The following GPC5 variants were observed in gnomAD, a reference collection of about 807,000 sequenced individuals.
The protein encoded by GPC5 is glypican-5.
A neutral mutation model predicts 53.9 loss-of-function variants in GPC5; 47 were observed. The observed-to-expected ratio is 0.87, with a 90% CI of 0.69 to 1.11. The LOEUF (loss-of-function observed/expected upper bound fraction) is 1.11. Ranked by LOEUF, GPC5 falls within the 50% of genes most tolerant of loss-of-function variation. The pLI is 0.00. For missense variants in GPC5, 748 were observed against 713.1 expected (o/e 1.05, Z -0.56); for synonymous variants, 286 against 263.3 (o/e 1.09, Z -0.84).
At chr13:91,476,506 A>T (rs1366530229) in intron 2 of GPC5, among the ~76,000 whole-genome samples, 1 of 152,234 alleles carries the variant, frequency 6.6e-6, no homozygotes, top group Non-Finnish European at 1.5e-5. Flanking sequence ...TATATTTTGT[A>T]TATATTTTGT....
chr13:91,944,872 T>C (rs1175603971), intron 6 of GPC5, among the ~76,000 whole-genome samples: 1 of 152,214 alleles, frequency 6.6e-6, no homozygotes, highest in East Asian at 1.9e-4. Context: ...CTTTCTCTTC[T>C]TTCTCAATAT....
At chr13:91,423,834 T>C (rs368939847) in intron 1 of GPC5, among the ~76,000 whole-genome samples, 25 of 152,348 alleles carry the variant, frequency 1.6e-4, no homozygotes, top group Non-Finnish European at 3.4e-4. Context: ...GTGCTCACAT[T>C]GTAGCCCACA....
intron 7 of GPC5, among the ~76,000 whole-genome samples, chr13:92,425,862 CA>C (rs1225083162): frequency 6.6e-6 from 1 of 152,014 alleles, no homozygotes; most frequent in African/African-American, 2.4e-5. Context: ...TTGTTTTACT[CA>C]AACACTAGCA....
At chr13:92,548,013 GTA>G in intron 7 of GPC5, among the ~76,000 whole-genome samples, 2 of 96,618 alleles carry the variant, frequency 2.1e-5, no homozygotes, top group African/African-American at 3.4e-5. Context: ...TTTTTTTTTT[GTA>G]TTTTTAGTAG....
At chr13:91,936,329 A>T (rs1486915784) in intron 6 of GPC5, among the ~76,000 whole-genome samples, 1 of 152,010 alleles carries the variant, frequency 6.6e-6, no homozygotes, top group Non-Finnish European at 1.5e-5. Flanking sequence ...GGAATGGGTA[A>T]GCTGAATCAC....
At chr13:92,415,429 A>G (rs562775785) in intron 7 of GPC5, among the ~76,000 whole-genome samples, 35 of 151,866 alleles carry the variant, frequency 2.3e-4, no homozygotes, top group South Asian at 1.0e-3. Flanking sequence ...TTGCTTGTAT[A>G]TAGTCCAAAA....
At chr13:91,638,325 C>T (rs1434282878) in intron 2 of GPC5, among the ~76,000 whole-genome samples, 1 of 151,882 alleles carries the variant, frequency 6.6e-6, no homozygotes, top group Non-Finnish European at 1.5e-5. Context: ...ATGCCTTTTA[C>T]TACTTTTCTT....
At chr13:91,569,261 G>A (rs1344089457) in intron 2 of GPC5, among the ~76,000 whole-genome samples, 1 of 152,034 alleles carries the variant, frequency 6.6e-6, no homozygotes, top group African/African-American at 2.4e-5. Flanking sequence ...ATGATATTGG[G>A]CCACCTATCT....
intron 7 of GPC5, among the ~76,000 whole-genome samples, chr13:92,215,396 ATAAT>A (rs1276351958): frequency 6.6e-6 from 1 of 152,228 alleles, no homozygotes; most frequent in African/African-American, 2.4e-5. Flanking sequence ...ATTCAATGGA[ATAAT>A]TAAAGCAATT....
At chr13:91,886,962 C>T (rs2039330045) in intron 5 of GPC5, among the ~76,000 whole-genome samples, 1 of 152,172 alleles carries the variant, frequency 6.6e-6, no homozygotes, top group African/African-American at 2.4e-5. Flanking sequence ...TGGCCCTCTT[C>T]TCACAGCTTC....
chr13:92,141,607 T>A lies in GPC5; in HGVS notation c.1402-3223T>A, dbSNP rs1397058372. ...GAGGGTTAGAGAGTGTATTCATGTA[T>A]TCATTTTCTCTTCCTGCATAGCAAA... On this transcript the variant is annotated intron_variant, in intron 6 of 7. Transcript: ENST00000377067. 2.0e-5 allele frequency among the ~76,000 whole-genome samples: 3 copies of A among 152,264 alleles called. No individual in the cohort carries two copies. In the East Asian group the frequency reaches 5.8e-4, roughly 29 times the overall value.
At chr13:91,407,440 G>T (rs935571945) in intron 1 of GPC5, among the ~76,000 whole-genome samples, 1 of 152,190 alleles carries the variant, frequency 6.6e-6, no homozygotes, top group Non-Finnish European at 1.5e-5. Flanking sequence ...AGCTGTTATC[G>T]TCATGTAGTG....
chr13:92,206,073 G>T (rs184013583), intron 7 of GPC5, among the ~76,000 whole-genome samples: 1 of 146,146 alleles, frequency 6.8e-6, no homozygotes, highest in East Asian at 2.0e-4. Flanking sequence ...ACCCAACAAC[G>T]ATTCCATTCT....
At chr13:91,869,963 C>T (rs1236862945) in intron 5 of GPC5, among the ~76,000 whole-genome samples, 5 of 152,090 alleles carry the variant, frequency 3.3e-5, no homozygotes, top group African/African-American at 4.8e-5. Flanking sequence ...CAGGTCCTTC[C>T]GCTAACACTG....
chr13:92,414,754 G>A (rs1421101577), intron 7 of GPC5, among the ~76,000 whole-genome samples: 1 of 152,086 alleles, frequency 6.6e-6, no homozygotes, highest in African/African-American at 2.4e-5. Context: ...CAAGAGAAAG[G>A]CAGTGGTAGA....
chr13:92,206,161 T>TTTTTTA (rs2042334572), intron 7 of GPC5, among the ~76,000 whole-genome samples: 1 of 42,544 alleles, frequency 2.4e-5, no homozygotes, highest in East Asian at 2.6e-4. Context: ...TTTTATTTTT[T>TTTTTTA]TTTTTATTTT....
At chr13:91,470,751 A>G (rs1480871967) in intron 2 of GPC5, among the ~76,000 whole-genome samples, 1 of 152,182 alleles carries the variant, frequency 6.6e-6, no homozygotes, top group Non-Finnish European at 1.5e-5. Flanking sequence ...TGTCTTTAAG[A>G]TTAGCTGCTT....
chr13:92,039,628 T>C (rs2040926265), intron 6 of GPC5, among the ~76,000 whole-genome samples: 1 of 152,170 alleles, frequency 6.6e-6, no homozygotes, highest in Non-Finnish European at 1.5e-5. Flanking sequence ...GCTTAAATAA[T>C]ACAAATTGTT....
chr13:92,807,122 G>C (rs1386081234), intron 7 of GPC5, among the ~76,000 whole-genome samples: 1 of 151,644 alleles, frequency 6.6e-6, no homozygotes. Flanking sequence ...AAAGTGTTTA[G>C]CATAATATCT....
Sources: allele counts gnomAD v4.1 joint callset (sites outside exome capture counted in the v4.1 genomes callset), GRCh38; gene constraint gnomAD v4.1.1; transcripts MANE v1.5; gene names NCBI Gene and HGNC (gene_info 2026-07-23, HGNC 2026-07-21).